GRAMD1B: variants seen among roughly 807,000 people sequenced by gnomAD.
The protein encoded by GRAMD1B is GRAM domain containing 1B, also known as protein Aster-B.
GRAMD1B carries 37 observed loss-of-function variants against 99.7 expected under a neutral mutation model. The ratio of observed to expected loss-of-function variants is 0.37; its 90% CI spans 0.29 to 0.49. The LOEUF is 0.49. GRAMD1B is among the 20% of genes least tolerant of loss of function. The pLI is 0.98. For synonymous variants in GRAMD1B, 427 were observed against 387.6 expected, an observed-to-expected ratio of 1.10 and a Z score of -1.19; for missense variants, 888 against 1,009.2, an observed-to-expected ratio of 0.88 and a Z score of 1.63.
intron 1 of GRAMD1B, among the ~76,000 whole-genome samples, chr11:123,363,589 T>TTTTTTTTTTGTTTGTTTG (rs1555105461): frequency 2.1e-4 from 32 of 152,118 alleles, no homozygotes; most frequent in African/African-American, 7.7e-4. Context: ...TGTTTGTTTT[T>TTTTTTTTTTGTTTGTTTG]TTTTGGCACT....
chr11:123,370,719 G>A (rs1946498122), intron 1 of GRAMD1B, among the ~76,000 whole-genome samples: 1 of 147,346 alleles, frequency 6.8e-6, no homozygotes, highest in African/African-American at 2.7e-5. Context: ...AATAGGGAGT[G>A]AGGTGGGAGT....
At chr11:123,558,301 T>C (rs1241858411) in intron 2 of GRAMD1B, among the ~76,000 whole-genome samples, 1 of 152,060 alleles carries the variant, frequency 6.6e-6, no homozygotes, top group African/African-American at 2.4e-5. Flanking sequence ...ATTTACTGAA[T>C]ATGTGTGTAC....
At chr11:123,441,133 A>G (rs1163029991) in intron 1 of GRAMD1B, among the ~76,000 whole-genome samples, 19 of 152,118 alleles carry the variant, frequency 1.2e-4, no homozygotes, top group Non-Finnish European at 2.8e-4. Context: ...CTGAAAATGG[A>G]CTAATACAGG....
intron 1 of GRAMD1B, among the ~76,000 whole-genome samples, chr11:123,411,246 C>T (rs577129286): frequency 1.1e-3 from 160 of 152,164 alleles, no homozygotes; most frequent in Admixed American, 2.6e-3. Context: ...TCTCGTGATC[C>T]GCCCCCCTCA....
At chr11:123,397,511 G>A (rs1947508248) in intron 1 of GRAMD1B, among the ~76,000 whole-genome samples, 1 of 152,072 alleles carries the variant, frequency 6.6e-6, no homozygotes, top group African/African-American at 2.4e-5. Context: ...GCTTATTCTA[G>A]ATTAAAAAAA....
intron 2 of GRAMD1B, among the ~76,000 whole-genome samples, chr11:123,486,151 A>C (rs1937731431): frequency 6.6e-6 from 1 of 152,260 alleles, no homozygotes; most frequent in African/African-American, 2.4e-5. Context: ...AGAGCCATTA[A>C]GTGGATGCTT....
chr11:123,554,354 A>G (rs894466222), intron 2 of GRAMD1B, among the ~76,000 whole-genome samples: 8 of 152,032 alleles, frequency 5.3e-5, no homozygotes, highest in Non-Finnish European at 8.8e-5. Context: ...GTCCCATAAG[A>G]CAGAAACCAC....
At chr11:123,364,098 A>G (rs1049578846) in intron 1 of GRAMD1B, among the ~76,000 whole-genome samples, 2 of 152,110 alleles carry the variant, frequency 1.3e-5, no homozygotes, top group Non-Finnish European at 2.9e-5. Context: ...CTTTTTCCTT[A>G]TATATTGAAG....
Position 123,385,117 on chromosome 11 carries a change from A to C in GRAMD1B, c.-176+26318A>C, listed in dbSNP as rs527255692. Among the ~76,000 whole-genome samples the C allele has an allele frequency of 2.6e-5, 4 of 152,228 alleles. 1 individual carries two copies. The highest frequency in any genetic ancestry group is 3.9e-4 in the East Asian group (2 of 5,186). ...TTCTTCATTCTCCAAAAGCCTCTCC[A>C]CTTGCTTGTGATACTCAGCTCAGTT... On this transcript the variant is annotated intron_variant, in intron 1 of 20. Transcript: ENST00000638157.
intron 1 of GRAMD1B, among the ~76,000 whole-genome samples, chr11:123,408,780 G>A (rs916635302): frequency 3.3e-5 from 5 of 152,220 alleles, no homozygotes; most frequent in South Asian, 2.1e-4. Context: ...TCTAAATTGC[G>A]CTAAGCATGA....
intron 1 of GRAMD1B, among the ~76,000 whole-genome samples, chr11:123,463,594 CTG>C (rs1370097732): frequency 3.3e-5 from 5 of 152,234 alleles, no homozygotes; most frequent in Non-Finnish European, 5.9e-5. Context: ...CTGGTAATAA[CTG>C]TGCCAACTTG....
At chr11:123,486,290 G>C (rs1307102125) in intron 2 of GRAMD1B, among the ~76,000 whole-genome samples, 1 of 152,168 alleles carries the variant, frequency 6.6e-6, no homozygotes, top group Non-Finnish European at 1.5e-5. Flanking sequence ...GCTCACCCCT[G>C]CAATCCCAGC....
At chr11:123,433,679 CGTGTGTGTGTGTGT>C (rs59262021) in intron 1 of GRAMD1B, among the ~76,000 whole-genome samples, 4 of 142,980 alleles carry the variant, frequency 2.8e-5, no homozygotes, top group Admixed American at 6.9e-5. Flanking sequence ...ATGTTACGTG[CGTGTGTGTGTGTGT>C]GTGTGTGTGT....
Position 123,605,359 on chromosome 11 carries a change from A to C in GRAMD1B, c.1204A>C (p.Asn402His). Residue 402 changes from asparagine to histidine, a missense_variant, in exon 10 of 20, where the codon AAT becomes CAT. Transcript: ENST00000635736. ...GATCCCTGTGGAAGAGAATGAAGTG[A>C]ATGACAGCTCATCCAAGAGCAGCAT... ...EEIPVEENEV[N>H]DSSSKSSIET... 6.2e-7 allele frequency: 1 copy of C among 1,612,994 alleles called. No individual in the cohort carries two copies. The highest frequency in any genetic ancestry group is 8.5e-7 in the Non-Finnish European group (1 of 1,179,294).
chr11:123,550,129 G>A (rs1051867948), intron 2 of GRAMD1B, among the ~76,000 whole-genome samples: 4 of 152,076 alleles, frequency 2.6e-5, no homozygotes, highest in Non-Finnish European at 4.4e-5. Flanking sequence ...ACTCACATCC[G>A]TGAGCGCTCC....
rs1466211997 is a variant in GRAMD1B, at chr11:123,608,648, C to T, written c.1514-11C>T. ...GTCACTGTCTACTTCCTGATCCTCT[C>T]TTCTGTGCAGGAGAGGTCCAGGCCT... is the stretch of plus-strand genomic sequence containing the variant. On this transcript the variant is annotated splice_polypyrimidine_tract_variant and intron_variant, in intron 11 of 19. Coordinates refer to ENST00000635736, the MANE Select transcript of GRAMD1B (RefSeq NM_001387025.1). 1 of 1,576,644 alleles carries T rather than the reference C, an allele frequency of 6.3e-7. No homozygotes were observed. Among genetic ancestry groups the T allele is most frequent in the Non-Finnish European group, 8.6e-7 (1 of 1,160,154 alleles).
chr11:123,409,910 G>C (rs777180909), intron 1 of GRAMD1B, among the ~76,000 whole-genome samples: 1 of 152,198 alleles, frequency 6.6e-6, no homozygotes, highest in Non-Finnish European at 1.5e-5. Flanking sequence ...CTTTCCTTTA[G>C]TGGCGAACAA....
At position 123,616,872 on chromosome 11, in the gene GRAMD1B, C is replaced by T. The variant is rs542023302; in HGVS notation, c.2319-1821C>T. On this transcript the variant is annotated intron_variant, in intron 17 of 19. Transcript: ENST00000635736. ...TCGTGAGCAGGCTGTGCCAAAGAGGCGGGTGTTCAGATGACCCAGTGAGTG... is the reference window on the plus strand; with the variant it reads ...TCGTGAGCAGGCTGTGCCAAAGAGGTGGGTGTTCAGATGACCCAGTGAGTG... Among the ~76,000 whole-genome samples the T allele has an allele frequency of 3.3e-5, 5 of 152,292 alleles. No homozygotes were observed. The East Asian group carries it at 5.8e-4, about 18-fold the overall frequency.
chr11:123,435,642 TGATCTATA>T (rs1188631211), intron 1 of GRAMD1B: 4 of 531,814 alleles, frequency 7.5e-6, no homozygotes, highest in African/African-American at 1.9e-5. Flanking sequence ...CCTCTTACAG[TGATCTATA>T]GATCTATAGA....
Sources: allele counts gnomAD v4.1 joint callset (sites outside exome capture counted in the v4.1 genomes callset), GRCh38; gene constraint gnomAD v4.1.1; transcripts MANE v1.5; gene names NCBI Gene and HGNC (gene_info 2026-07-23, HGNC 2026-07-21).